ANKRD30BL: variants seen among roughly 807,000 people sequenced by gnomAD.
ANKRD30BL encodes ankyrin repeat domain 30B like.
ANKRD30BL carries 20 observed loss-of-function variants against 18.4 expected under a neutral mutation model. The ratio of observed to expected loss-of-function variants is 1.09; its 90% CI spans 0.77 to 1.58. ANKRD30BL has a LOEUF of 1.58. ANKRD30BL is among the 40% of genes most tolerant of loss of function. ANKRD30BL has a pLI of 0.00. For synonymous variants in ANKRD30BL, 72 were observed against 100.9 expected, an observed-to-expected ratio of 0.71 and a Z score of 1.72; for missense variants, 224 against 268.6, an observed-to-expected ratio of 0.83 and a Z score of 1.16.
chr2:132,238,442 T>C (rs1215206269), intron 1 of ANKRD30BL, among the ~76,000 whole-genome samples: 3 of 151,956 alleles, frequency 2.0e-5, no homozygotes, highest in African/African-American at 4.8e-5. Flanking sequence ...GGAACGGGTA[T>C]ATATTCACAT....
rs550167491 is a variant in ANKRD30BL at position 132,185,340 on chromosome 2, C to T, written n.442-28194G>A. ...GAGAAGAAGGCAGTCCCTACCTGAC[C>T]ATCGCCTGGCCTGGCTACCTTATCT... On this transcript the variant is annotated intron_variant and non_coding_transcript_variant, in intron 1 of 4. Transcript: ENST00000470729. Among the ~76,000 whole-genome samples, 404 of 152,288 alleles carry T rather than the reference C, an allele frequency of 2.7e-3. 4 individuals carry two copies. The highest frequency in any genetic ancestry group is 9.2e-3 in the African/African-American group (382 of 41,568).
intron 1 of ANKRD30BL, among the ~76,000 whole-genome samples, chr2:132,207,025 A>C (rs1017220036): frequency 3.3e-5 from 5 of 151,844 alleles, no homozygotes; most frequent in Admixed American, 2.6e-4. Flanking sequence ...ATTATGGCCC[A>C]CTCTAATGCA....
chr2:132,257,901 A>G (rs146652116), exon 1 of ANKRD30BL: 1 of 153,502 alleles, frequency 6.5e-6, no homozygotes, highest in African/African-American at 2.4e-5. Flanking sequence ...ACCTCCAAGT[A>G]AACCCACACA....
chr2:132,185,484 CA>C, intron 1 of ANKRD30BL, among the ~76,000 whole-genome samples: 1 of 152,140 alleles, frequency 6.6e-6, no homozygotes, highest in Middle Eastern at 3.4e-3. Flanking sequence ...GGAAAGAAAG[CA>C]AAAGTCTTCC....
chr2:132,236,463 AG>A (rs1680154435), intron 1 of ANKRD30BL, among the ~76,000 whole-genome samples: 4 of 152,212 alleles, frequency 2.6e-5, no homozygotes. Context: ...AAGTGGGCAA[AG>A]GACATGAACA....
intron 1 of ANKRD30BL, among the ~76,000 whole-genome samples, chr2:132,217,652 G>T (rs971770273): frequency 6.6e-6 from 1 of 152,270 alleles, no homozygotes; most frequent in African/African-American, 2.4e-5. Context: ...ACTTTGTGAT[G>T]TGTACATTCA....
intron 1 of ANKRD30BL, among the ~76,000 whole-genome samples, chr2:132,200,504 A>G (rs1679075463): frequency 6.6e-6 from 1 of 152,112 alleles, no homozygotes; most frequent in Non-Finnish European, 1.5e-5. Context: ...CCAACAACAA[A>G]CAAACAGAGA....
intron 1 of ANKRD30BL, among the ~76,000 whole-genome samples, chr2:132,206,083 G>A (rs569097548): frequency 3.2e-4 from 48 of 152,158 alleles, no homozygotes; most frequent in South Asian, 6.2e-4. Context: ...ACTTGAACCC[G>A]GGAGGTGGAG....
chr2:132,195,087 T>A (rs944160146), intron 1 of ANKRD30BL, among the ~76,000 whole-genome samples: 3 of 151,944 alleles, frequency 2.0e-5, no homozygotes, highest in Admixed American at 1.3e-4. Context: ...AAAATGGATA[T>A]AAATAGGAAA....
At chr2:132,248,904 C>T (rs1573893923) in intron 1 of ANKRD30BL, among the ~76,000 whole-genome samples, 1 of 151,978 alleles carries the variant, frequency 6.6e-6, no homozygotes, top group Non-Finnish European at 1.5e-5. Context: ...GATGAATGCA[C>T]ACATAGCCAT....
rs949610663 is a variant in ANKRD30BL at position 132,235,776 on chromosome 2, C to A, written n.441+21753G>T. ...TGGCCATACTGCCCAAGGTAATTTA[C>A]AGATTCAATGCCTTCCCCATCAAGC... On this transcript the variant is annotated intron_variant and non_coding_transcript_variant, in intron 1 of 4. Coordinates refer to the ANKRD30BL transcript ENST00000470729. Among the ~76,000 whole-genome samples the A allele has an allele frequency of 6.8e-4, 104 of 152,026 alleles. 1 individual carries two copies. The highest frequency in any genetic ancestry group is 1.8e-4 in the Non-Finnish European group (12 of 68,008).
chr2:132,252,673 G>T (rs112970998), intron 1 of ANKRD30BL, among the ~76,000 whole-genome samples: 2 of 152,004 alleles, frequency 1.3e-5, no homozygotes, highest in African/African-American at 2.4e-5. Flanking sequence ...CGACTGTGAC[G>T]TGCTCCCCCA....
At chr2:132,221,604 G>GC (rs1347203898) in intron 1 of ANKRD30BL, among the ~76,000 whole-genome samples, 1 of 128,650 alleles carries the variant, frequency 7.8e-6, no homozygotes, top group South Asian at 2.4e-4. Context: ...GGGGGGATCA[G>GC]CCCCCCGCCC....
At chr2:132,240,166 A>T (rs1680275343) in intron 1 of ANKRD30BL, among the ~76,000 whole-genome samples, 1 of 151,918 alleles carries the variant, frequency 6.6e-6, no homozygotes, top group Non-Finnish European at 1.5e-5. Context: ...TAAAAACTAG[A>T]TAGAAGCATT....
upstream of ANKRD30BL, among the ~76,000 whole-genome samples, chr2:132,164,373 C>A (rs1175683603): frequency 4.0e-5 from 6 of 150,414 alleles, no homozygotes; most frequent in Non-Finnish European, 5.9e-5. Context: ...TCACTGCAAC[C>A]TCTACTTCCC....
At chr2:132,200,009 T>C (rs1338285283) in intron 1 of ANKRD30BL, among the ~76,000 whole-genome samples, 1 of 152,174 alleles carries the variant, frequency 6.6e-6, no homozygotes, top group Non-Finnish European at 1.5e-5. Context: ...TGGTTCAATA[T>C]ACGCAAATCA....
intron 1 of ANKRD30BL, among the ~76,000 whole-genome samples, chr2:132,247,869 G>A (rs77044046): frequency 6.6e-6 from 1 of 151,772 alleles, no homozygotes; most frequent in East Asian, 1.9e-4. Context: ...CACTGTGAGA[G>A]TAATACACAT....
Position 132,214,975 on chromosome 2 carries a change from G to C in ANKRD30BL, n.441+42554C>G, listed in dbSNP as rs1679455906. Among the ~76,000 whole-genome samples the C allele has an allele frequency of 2.0e-5, 3 of 152,246 alleles. No individual in the cohort carries two copies. In the South Asian group the frequency reaches 6.2e-4, roughly 32 times the overall value. ...TGTAGAATCTGCAAGTGGACATTTG[G>C]AGAGCTGTGTGGCCTATGGTGGAAA... On this transcript the variant is annotated intron_variant and non_coding_transcript_variant, in intron 1 of 4. Transcript: ENST00000470729.
intron 1 of ANKRD30BL, among the ~76,000 whole-genome samples, chr2:132,171,685 G>A (rs1294030238): frequency 6.6e-6 from 1 of 152,118 alleles, no homozygotes; most frequent in African/African-American, 2.4e-5. Flanking sequence ...TTGGGAATAC[G>A]TATTTTTTCT....
Sources: allele counts gnomAD v4.1 joint callset (sites outside exome capture counted in the v4.1 genomes callset), GRCh38; gene constraint gnomAD v4.1.1; transcripts MANE v1.5; gene names NCBI Gene and HGNC (gene_info 2026-07-23, HGNC 2026-07-21).